CEP63: variants seen among roughly 807,000 people sequenced by gnomAD.
The protein encoded by CEP63 is centrosomal protein of 63 kDa.
In CEP63, 84 loss-of-function variants were observed where a neutral mutation model predicts 89.1. The ratio of observed to expected loss-of-function variants is 0.94; its 90% CI spans 0.79 to 1.13. CEP63 has a LOEUF of 1.13. CEP63 is among the 50% of genes most tolerant of loss of function. The pLI is 0.00. For synonymous variants in CEP63, 267 were observed against 272.5 expected (o/e 0.98, Z 0.20); for missense variants, 838 against 813.3 (o/e 1.03, Z -0.37).
rs115167741 is a variant in CEP63, at chr3:134,510,375, A to G, written c.222+3089A>G. The stretch of plus-strand genomic sequence containing the variant: ...GAAGCAGCAGGCACTGCTGCATGTC[A>G]TAGTCTAACACCTGCAATCCACCAG... On this transcript the variant is annotated intron_variant, in intron 3 of 14. Transcript: ENST00000675561. 9.0e-3 allele frequency among the ~76,000 whole-genome samples: 1,375 copies of G among 152,324 alleles called. 25 individuals are homozygous for G. Among genetic ancestry groups the G allele is most frequent in the African/African-American group, 0.03 (1,243 of 41,572 alleles).
the CEP63 span, among the ~76,000 whole-genome samples, chr3:134,721,512 A>C: frequency 2.0e-5 from 3 of 152,090 alleles, no homozygotes; most frequent in East Asian, 1.9e-4. Flanking sequence ...GTTAAATAGA[A>C]GTGATGAGAA....
chr3:134,772,959 C>T, the CEP63 span, among the ~76,000 whole-genome samples: 1 of 152,200 alleles, frequency 6.6e-6, no homozygotes, highest in African/African-American at 2.4e-5. Flanking sequence ...TACCAAGGCA[C>T]TGTGGTCAGT....
At chr3:134,584,988 T>G (rs1251796597) in intron 10 of CEP63, among the ~76,000 whole-genome samples, 2 of 150,200 alleles carry the variant, frequency 1.3e-5, no homozygotes, top group Non-Finnish European at 2.9e-5. Context: ...TGGAGGTGTT[T>G]ATAGTATTCT....
the CEP63 span, among the ~76,000 whole-genome samples, chr3:134,696,206 C>T: frequency 1.3e-5 from 2 of 152,200 alleles, no homozygotes; most frequent in Admixed American, 6.5e-5. Flanking sequence ...GCAGACATGT[C>T]GCTGTGGGCA....
At chr3:134,603,446 G>A in the CEP63 span, 4 of 764,784 alleles carry the variant, frequency 5.2e-6, no homozygotes, top group Non-Finnish European at 8.4e-6. Flanking sequence ...GCAGAGGTGG[G>A]ACACTGAGGC....
chr3:134,560,554 G>T (rs1447962744), intron 14 of CEP63, among the ~76,000 whole-genome samples: 1 of 151,846 alleles, frequency 6.6e-6, no homozygotes, highest in African/African-American at 2.4e-5. Flanking sequence ...AGGGAAAGAA[G>T]CTCAGCTCCA....
At chr3:134,512,880 A>T (rs1945310000) in intron 3 of CEP63, among the ~76,000 whole-genome samples, 2 of 152,240 alleles carry the variant, frequency 1.3e-5, no homozygotes. Context: ...TAGTGTAATT[A>T]TAAGCAGACT....
the CEP63 span, among the ~76,000 whole-genome samples, chr3:134,772,958 A>G: frequency 6.6e-6 from 1 of 152,174 alleles, no homozygotes; most frequent in Non-Finnish European, 1.5e-5. Context: ...TTACCAAGGC[A>G]CTGTGGTCAG....
chr3:134,493,991 G>A (rs1285066413), intron 1 of CEP63, among the ~76,000 whole-genome samples: 1 of 152,110 alleles, frequency 6.6e-6, no homozygotes, highest in Non-Finnish European at 1.5e-5. Flanking sequence ...TATTATAAAA[G>A]GCGAGAAGCA....
chr3:134,666,158 G>A, the CEP63 span, among the ~76,000 whole-genome samples: 2 of 152,140 alleles, frequency 1.3e-5, no homozygotes, highest in African/African-American at 4.8e-5. Flanking sequence ...CAAGCTCTCT[G>A]ATGGAAGGAG....
chr3:134,673,220 T>C, the CEP63 span, among the ~76,000 whole-genome samples: 2 of 152,166 alleles, frequency 1.3e-5, no homozygotes, highest in African/African-American at 4.8e-5. Flanking sequence ...ACCCCTGACC[T>C]CTGTTAACTC....
the CEP63 span, among the ~76,000 whole-genome samples, chr3:134,761,080 A>C: frequency 6.6e-6 from 1 of 152,154 alleles, no homozygotes; most frequent in Non-Finnish European, 1.5e-5. Context: ...TTCTAGGACA[A>C]AACCACTTCA....
At chr3:134,537,007 T>G (rs1950892208) in intron 5 of CEP63, 148 bp from the exon 6 acceptor site, 2 of 695,044 alleles carry the variant, frequency 2.9e-6, no homozygotes, top group South Asian at 2.9e-5. Flanking sequence ...CCAGCTCTGT[T>G]AGCTGAGTGA....
chr3:134,686,510 G>GCCTT, the CEP63 span, among the ~76,000 whole-genome samples: 1 of 152,204 alleles, frequency 6.6e-6, no homozygotes, highest in African/African-American at 2.4e-5. Context: ...ACAGTCAGAA[G>GCCTT]CCTTGCAGGG....
rs1320998634 is a variant in CEP63 at position 134,499,485 on chromosome 3, ATTGTT to A, written c.44+4124_44+4128del. ...ACTTTTTGTTTCATTGATTCTTTGT[ATTGTT>A]TTTTAGTCTCTATTTTGTTTATTTC... On this transcript the variant is annotated intron_variant, in intron 2 of 14. Coordinates refer to ENST00000675561, the MANE Select transcript of CEP63 (RefSeq NM_001353108.3). Among the ~76,000 whole-genome samples the A allele has an allele frequency of 4.6e-5, 7 of 150,902 alleles. No homozygotes were observed. The East Asian group carries it at 1.4e-3, about 30-fold the overall frequency.
At chr3:134,610,540 G>T in the CEP63 span, 2 of 645,266 alleles carry the variant, frequency 3.1e-6, no homozygotes, top group Non-Finnish European at 5.3e-6. Flanking sequence ...AGCCTTGATG[G>T]CTTTTATCTC....
chr3:134,634,479 C>T, the CEP63 span, among the ~76,000 whole-genome samples: 1 of 151,992 alleles, frequency 6.6e-6, no homozygotes, highest in African/African-American at 2.4e-5. Flanking sequence ...AGTGCAAAGA[C>T]AATTCAGTTG....
the CEP63 span, among the ~76,000 whole-genome samples, chr3:134,777,758 T>C: frequency 6.6e-6 from 1 of 150,772 alleles, no homozygotes; most frequent in Non-Finnish European, 1.5e-5. Flanking sequence ...GGATTACAGG[T>C]ACACGCCACT....
the CEP63 span, among the ~76,000 whole-genome samples, chr3:134,715,176 C>T: frequency 6.6e-6 from 1 of 152,204 alleles, no homozygotes; most frequent in Non-Finnish European, 1.5e-5. Flanking sequence ...CAGGATACTA[C>T]TGTCCATCTC....
Sources: gnomAD v4.1 joint callset for allele counts (sites outside exome capture counted in the v4.1 genomes callset) on GRCh38, gnomAD v4.1.1 for gene constraint, MANE v1.5 for transcripts, NCBI Gene and HGNC (gene_info 2026-07-23, HGNC 2026-07-21) for gene names.